The following DOK6 variants were observed in gnomAD, a reference collection of about 807,000 sequenced individuals.
DOK6 encodes docking protein 6, also known as downstream of tyrosine kinase 6.
A neutral mutation model predicts 44.0 loss-of-function variants in DOK6; 22 were observed. The ratio of observed to expected loss-of-function variants is 0.50; its 90% CI spans 0.36 to 0.71. The LOEUF (loss-of-function observed/expected upper bound fraction) is 0.71. Among genes scored for constraint, DOK6 ranks in the 30% least tolerant of loss-of-function variants. The pLI, the probability that DOK6 is intolerant of heterozygous loss-of-function variation, is 0.00. For synonymous variants in DOK6, 166 were observed against 145.5 expected (o/e 1.14, Z -1.01); for missense variants, 340 against 416.4 (o/e 0.82, Z 1.60).
At chr18:69,672,470 T>C (rs1315294680) in intron 3 of DOK6, among the ~76,000 whole-genome samples, 2 of 152,254 alleles carry the variant, frequency 1.3e-5, no homozygotes, top group Non-Finnish European at 2.9e-5. Context: ...GGGATTCTCC[T>C]GTCTCAGACT....
At chr18:69,672,791 G>C (rs1985836478) in intron 3 of DOK6, among the ~76,000 whole-genome samples, 1 of 151,886 alleles carries the variant, frequency 6.6e-6, no homozygotes, top group Non-Finnish European at 1.5e-5. Context: ...CAGTTTTCAA[G>C]AATGAAAGCA....
intron 7 of DOK6, among the ~76,000 whole-genome samples, chr18:69,769,325 T>C (rs1599315787): frequency 6.6e-6 from 1 of 152,228 alleles, no homozygotes; most frequent in African/African-American, 2.4e-5. Flanking sequence ...CAGATAAACA[T>C]GGAAAGTTTC....
chr18:69,692,780 A>C (rs961984340), intron 4 of DOK6, among the ~76,000 whole-genome samples: 84 of 152,378 alleles, frequency 5.5e-4, no homozygotes, highest in African/African-American at 2.0e-3. Context: ...GAATGAAAAA[A>C]TATGTAAACA....
At chr18:69,469,608 C>A in intron 1 of DOK6, 1 of 210,298 alleles carries the variant, frequency 4.8e-6, no homozygotes, top group South Asian at 5.9e-5. Context: ...CCTGCGTGCT[C>A]ATCTCAGGCT....
chr18:69,614,629 T>C (rs1984242005), intron 3 of DOK6, among the ~76,000 whole-genome samples: 1 of 151,980 alleles, frequency 6.6e-6, no homozygotes, highest in South Asian at 2.1e-4. Flanking sequence ...ACAAAACCTG[T>C]ATTGGTTTCA....
chr18:69,577,749 A>G (rs541447599), intron 2 of DOK6, among the ~76,000 whole-genome samples: 17 of 152,278 alleles, frequency 1.1e-4, no homozygotes, highest in African/African-American at 3.8e-4. Context: ...ACTAGGTGTT[A>G]AGACTTTCAG....
intron 7 of DOK6, among the ~76,000 whole-genome samples, chr18:69,770,684 G>T (rs1479957770): frequency 6.6e-6 from 1 of 151,898 alleles, no homozygotes; most frequent in Non-Finnish European, 1.5e-5. Context: ...AACTCGTGAG[G>T]GTTGCCATTA....
chr18:69,669,739 GA>G, intron 3 of DOK6, among the ~76,000 whole-genome samples: 1 of 152,000 alleles, frequency 6.6e-6, no homozygotes, highest in Non-Finnish European at 1.5e-5. Context: ...TCTGCCTTGA[GA>G]TTTTCTTTTC....
intron 7 of DOK6, among the ~76,000 whole-genome samples, chr18:69,778,457 CA>C (rs1980150385): frequency 6.6e-6 from 1 of 152,156 alleles, no homozygotes; most frequent in African/African-American, 2.4e-5. Flanking sequence ...TAAAACCATG[CA>C]CACAAGCAGG....
intron 6 of DOK6, among the ~76,000 whole-genome samples, chr18:69,745,887 T>C (rs1334572141): frequency 1.3e-5 from 2 of 152,200 alleles, no homozygotes; most frequent in Non-Finnish European, 2.9e-5. Context: ...TAAAAATTCA[T>C]CCCAGCTTTC....
chr18:69,618,105 A>G (rs1984354944), intron 3 of DOK6, among the ~76,000 whole-genome samples: 1 of 152,196 alleles, frequency 6.6e-6, no homozygotes, highest in Admixed American at 6.5e-5. Flanking sequence ...GCCAACAACC[A>G]CTATGAGCTA....
At position 69,846,768 on chromosome 18, in the gene DOK6, G is replaced by A. The variant is rs1240294092; in HGVS notation, c.*5385G>A. 2 of 151,994 alleles carry A rather than the reference G, an allele frequency of 1.3e-5. No individual in the cohort carries two copies. Among genetic ancestry groups the A allele is most frequent in the African/African-American group, 2.4e-5 (1 of 41,380 alleles). The allele number at this position is 151,994 out of a possible 1,614,324, so 9.4% of individuals were successfully genotyped here. A position where few individuals can be genotyped will look rare whatever the true frequency, so the allele number is the denominator to read the frequency against. ...AGCACTTTACGGTGTCATTATTTATGGCATTTTTAACAACTTTGTTGCATA... is the reference window on the plus strand; with the variant it reads ...AGCACTTTACGGTGTCATTATTTATAGCATTTTTAACAACTTTGTTGCATA... On this transcript the variant is annotated 3_prime_UTR_variant, in exon 8 of 8. Transcript: ENST00000382713.
intron 3 of DOK6, among the ~76,000 whole-genome samples, chr18:69,617,567 A>G (rs1984325936): frequency 9.1e-6 from 1 of 110,206 alleles, no homozygotes; most frequent in South Asian, 3.6e-4. Context: ...GTGATAGGAG[A>G]AAAAGAAAGA....
chr18:69,438,979 G>A (rs1979061552), intron 1 of DOK6, among the ~76,000 whole-genome samples: 1 of 152,116 alleles, frequency 6.6e-6, no homozygotes, highest in African/African-American at 2.4e-5. Context: ...GGCTGAGGTG[G>A]GAGAATTTCT....
At chr18:69,484,855 A>G (rs1327501143) in intron 1 of DOK6, among the ~76,000 whole-genome samples, 1 of 152,124 alleles carries the variant, frequency 6.6e-6, no homozygotes, top group Non-Finnish European at 1.5e-5. Context: ...GCCAACAAAA[A>G]GTGCAAAAAT....
At chr18:69,429,775 T>A (rs1384550171) in intron 1 of DOK6, among the ~76,000 whole-genome samples, 1 of 151,480 alleles carries the variant, frequency 6.6e-6, no homozygotes, top group Non-Finnish European at 1.5e-5. Flanking sequence ...AAGCCTAGTA[T>A]AACAAGTTAA....
At chr18:69,612,044 G>A (rs1984154545) in intron 3 of DOK6, among the ~76,000 whole-genome samples, 1 of 152,076 alleles carries the variant, frequency 6.6e-6, no homozygotes, top group Admixed American at 6.5e-5. Context: ...ATATTATACT[G>A]CTCTTTTGCA....
At chr18:69,789,943 A>G (rs1443844934) in intron 7 of DOK6, among the ~76,000 whole-genome samples, 1 of 152,152 alleles carries the variant, frequency 6.6e-6, no homozygotes, top group Non-Finnish European at 1.5e-5. Flanking sequence ...TCTGAAACAC[A>G]AAGACACTTT....
chr18:69,654,954 AG>A (rs1207439463), intron 3 of DOK6, among the ~76,000 whole-genome samples: 5 of 152,308 alleles, frequency 3.3e-5, no homozygotes, highest in African/African-American at 1.2e-4. Flanking sequence ...GCTACTCTGG[AG>A]GCTGAGGCAG....
Sources: gnomAD v4.1 joint callset for allele counts (sites outside exome capture counted in the v4.1 genomes callset) on GRCh38, gnomAD v4.1.1 for gene constraint, MANE v1.5 for transcripts, NCBI Gene and HGNC (gene_info 2026-07-23, HGNC 2026-07-21) for gene names.